The following SLC44A5 variants were observed in gnomAD, a reference collection of about 807,000 sequenced individuals.
SLC44A5 encodes the protein solute carrier family 44 member 5.
In SLC44A5, 57 loss-of-function variants were observed where a neutral mutation model predicts 101.8. The ratio of observed to expected loss-of-function variants is 0.56; its 90% CI spans 0.45 to 0.70. SLC44A5 has a LOEUF of 0.70. SLC44A5 is among the 30% of genes least tolerant of loss of function. SLC44A5 has a pLI of 0.00. For synonymous variants in SLC44A5, 281 were observed against 290.9 expected, an observed-to-expected ratio of 0.97 and a Z score of 0.35; for missense variants, 737 against 853.1, an observed-to-expected ratio of 0.86 and a Z score of 1.70.
chr1:75,687,111 C>T, the SLC44A5 span, among the ~76,000 whole-genome samples: 12 of 152,160 alleles, frequency 7.9e-5, no homozygotes, highest in African/African-American at 2.9e-4. Flanking sequence ...AGGATGTGTG[C>T]CAACCTAAGA....
chr1:75,245,971 C>G (rs1489750370), intron 7 of SLC44A5, among the ~76,000 whole-genome samples: 1 of 152,088 alleles, frequency 6.6e-6, no homozygotes, highest in Non-Finnish European at 1.5e-5. Context: ...CAGCAGTTAA[C>G]AAAAACATCG....
At chr1:75,666,459 C>G in the SLC44A5 span, among the ~76,000 whole-genome samples, 1 of 152,050 alleles carries the variant, frequency 6.6e-6, no homozygotes, top group Admixed American at 6.6e-5. Context: ...AGCCTACCAA[C>G]TAAAAAAAGT....
chr1:75,457,970 G>A (rs1666281957), intron 2 of SLC44A5, among the ~76,000 whole-genome samples: 1 of 152,092 alleles, frequency 6.6e-6, no homozygotes, highest in African/African-American at 2.4e-5. Context: ...CAAACCCTGA[G>A]GATACAAAGA....
the SLC44A5 span, among the ~76,000 whole-genome samples, chr1:75,658,462 A>G: frequency 1.3e-5 from 2 of 152,208 alleles, no homozygotes; most frequent in African/African-American, 4.8e-5. Flanking sequence ...CTAGAAATCA[A>G]TAACAAAAGG....
intron 2 of SLC44A5, among the ~76,000 whole-genome samples, chr1:75,477,374 C>A (rs1273404618): frequency 6.6e-6 from 1 of 152,224 alleles, no homozygotes; most frequent in African/African-American, 2.4e-5. Flanking sequence ...GAACGCAGTT[C>A]CTCACCAGCA....
chr1:75,681,771 G>A, the SLC44A5 span, among the ~76,000 whole-genome samples: 6 of 151,058 alleles, frequency 4.0e-5, no homozygotes, highest in East Asian at 9.8e-4. Context: ...AATTAGGCAG[G>A]AGAAGGAAAT....
At chr1:75,620,489 G>C in the SLC44A5 span, among the ~76,000 whole-genome samples, 2 of 152,080 alleles carry the variant, frequency 1.3e-5, no homozygotes, top group African/African-American at 4.8e-5. Flanking sequence ...ATCCTCTCCA[G>C]CATCTGTTAT....
chr1:75,662,751 T>A, the SLC44A5 span, among the ~76,000 whole-genome samples: 1 of 152,128 alleles, frequency 6.6e-6, no homozygotes, highest in Non-Finnish European at 1.5e-5. Flanking sequence ...TATAACCAGT[T>A]AATAATGATG....
At chr1:75,548,931 A>G (rs557413342) in intron 1 of SLC44A5, among the ~76,000 whole-genome samples, 2 of 152,278 alleles carry the variant, frequency 1.3e-5, no homozygotes, top group East Asian at 1.9e-4. Context: ...TAGTGTTTCT[A>G]TAACACAATT....
chr1:75,630,368 T>C, the SLC44A5 span, among the ~76,000 whole-genome samples: 1 of 152,120 alleles, frequency 6.6e-6, no homozygotes, highest in African/African-American at 2.4e-5. Context: ...CATTCACCAT[T>C]AGCCTGCCAC....
intron 1 of SLC44A5, among the ~76,000 whole-genome samples, chr1:75,567,164 G>T (rs923502283): frequency 7.1e-6 from 1 of 141,714 alleles, no homozygotes; most frequent in Admixed American, 6.7e-5. Flanking sequence ...TACTGCTTCT[G>T]CAGGTGTTTG....
intron 5 of SLC44A5, among the ~76,000 whole-genome samples, chr1:75,292,658 T>C (rs528819646): frequency 3.2e-4 from 49 of 152,232 alleles, no homozygotes; most frequent in Non-Finnish European, 6.2e-4. Flanking sequence ...AGATAATAGA[T>C]TGTTGATGAT....
At chr1:75,467,695 A>C (rs1049561331) in intron 2 of SLC44A5, among the ~76,000 whole-genome samples, 3 of 152,216 alleles carry the variant, frequency 2.0e-5, no homozygotes, top group African/African-American at 7.2e-5. Context: ...AATGGATTGA[A>C]GGTGTAAATC....
At chr1:75,634,015 G>A in the SLC44A5 span, among the ~76,000 whole-genome samples, 4 of 151,818 alleles carry the variant, frequency 2.6e-5, no homozygotes, top group African/African-American at 9.7e-5. Flanking sequence ...TTATATGCTG[G>A]ATTACATTTA....
intron 2 of SLC44A5, among the ~76,000 whole-genome samples, chr1:75,422,755 A>T (rs951673586): frequency 1.3e-5 from 2 of 152,108 alleles, no homozygotes; most frequent in Admixed American, 6.5e-5. Context: ...TGTCAAGAAA[A>T]CTGGCCCAGA....
At chr1:75,213,634 G>T in intron 22 of SLC44A5, 71 bp downstream of exon 22, 1 of 1,113,334 alleles carries the variant, frequency 9.0e-7, no homozygotes, top group Non-Finnish European at 1.3e-6. Flanking sequence ...ATAAATTTCT[G>T]TTGTTTAAGT....
chr1:75,722,771 T>C, the SLC44A5 span, among the ~76,000 whole-genome samples: 5 of 152,214 alleles, frequency 3.3e-5, no homozygotes, highest in African/African-American at 7.2e-5. Flanking sequence ...CGTCCCTTCA[T>C]TTGATCTCAC....
At chr1:75,638,345 T>C in the SLC44A5 span, among the ~76,000 whole-genome samples, 2 of 152,090 alleles carry the variant, frequency 1.3e-5, no homozygotes, top group Non-Finnish European at 1.5e-5. Context: ...TTAATAGCTA[T>C]TTTATAACCT....
chr1:75,642,483 G>A, the SLC44A5 span, among the ~76,000 whole-genome samples: 1 of 151,998 alleles, frequency 6.6e-6, no homozygotes, highest in Non-Finnish European at 1.5e-5. Context: ...GTCAAGATTT[G>A]TGTCTATGTC....
Sources: allele counts gnomAD v4.1 joint callset (sites outside exome capture counted in the v4.1 genomes callset), GRCh38; gene constraint gnomAD v4.1.1; transcripts MANE v1.5; gene names NCBI Gene and HGNC (gene_info 2026-07-23, HGNC 2026-07-21).